Variants in RNF168 observed in about 807,000 individuals in gnomAD.
The protein encoded by RNF168 is ring finger protein 168.
Under a neutral mutation model 34.9 loss-of-function variants are expected in RNF168, and 34 were observed. The ratio of observed to expected loss-of-function variants is 0.97; its 90% CI spans 0.74 to 1.30. The LOEUF (loss-of-function observed/expected upper bound fraction) is 1.30. RNF168 is among the 50% of genes most tolerant of loss of function. The pLI is 0.00. For synonymous variants in RNF168, 264 were observed against 254.7 expected (o/e 1.04, Z -0.35); for missense variants, 725 against 682.5 (o/e 1.06, Z -0.69).
chr3:196,499,237 G>T (rs1732823344), intron 1 of RNF168, among the ~76,000 whole-genome samples: 1 of 152,162 alleles, frequency 6.6e-6, no homozygotes, highest in African/African-American at 2.4e-5. Context: ...GAAACTCTAC[G>T]TGCCAATGGA....
chr3:196,493,975 C>T (rs1384972945), intron 1 of RNF168, among the ~76,000 whole-genome samples: 1 of 151,560 alleles, frequency 6.6e-6, no homozygotes, highest in Non-Finnish European at 1.5e-5. Context: ...GCCTGAGCCT[C>T]CCATGTAGCT....
intron 3 of RNF168, among the ~76,000 whole-genome samples, chr3:196,484,514 C>T (rs1235207043): frequency 1.4e-5 from 2 of 140,994 alleles, no homozygotes; most frequent in African/African-American, 5.2e-5. Flanking sequence ...CAGGGTCTCA[C>T]TCTGTCGCCG....
Position 196,472,199 on chromosome 3 carries a change from C to T in RNF168, c.1336G>A (p.Asp446Asn), listed in dbSNP as rs763445849. ...TGAAGTTGTAATGCCAATAACCTGT[C>T]CTGTTCTTCTTGTTTATGTCTCTCA... ...LFERHKQEEQ[D>N]RLLALQLQKE... Residue 446 changes from aspartate to asparagine, a missense_variant, in exon 6 of 6, where the codon GAC becomes AAC. Physicochemically the swap from Asp to Asn is conservative, Grantham distance 23 (BLOSUM62 1). Coordinates refer to ENST00000318037, the MANE Select transcript of RNF168 (RefSeq NM_152617.4). 1 of 1,614,020 alleles carries T rather than the reference C, an allele frequency of 6.2e-7. No individual in the cohort carries two copies. The highest frequency in any genetic ancestry group is 2.2e-5 in the East Asian group (1 of 44,888).
At chr3:196,479,793 T>C (rs879015169) in intron 4 of RNF168, among the ~76,000 whole-genome samples, 1 of 152,104 alleles carries the variant, frequency 6.6e-6, no homozygotes, top group South Asian at 2.1e-4. Context: ...GGTTTCACCA[T>C]GTTGGCCAGG....
intron 5 of RNF168, 112 bp downstream of exon 5, chr3:196,475,119 G>T: frequency 1.4e-6 from 1 of 714,508 alleles, no homozygotes. Context: ...ACTCAGACAG[G>T]GTGTTTGATT....
chr3:196,474,103 C>A (rs975408061), intron 5 of RNF168, among the ~76,000 whole-genome samples: 4 of 151,200 alleles, frequency 2.6e-5, no homozygotes, highest in Non-Finnish European at 4.4e-5. Context: ...GCCTTACTAG[C>A]ATACTTTTTC....
In RNF168 at chr3:196,503,354, C is replaced by T; in HGVS notation, c.-181G>A. 1 of 641,778 alleles carries T rather than the reference C, an allele frequency of 1.6e-6. No individual in the cohort carries two copies. Among genetic ancestry groups the T allele is most frequent in the Middle Eastern group, 4.2e-4 (1 of 2,358 alleles). 39.8% of individuals were successfully genotyped at this position (641,778 alleles called of 1,614,324 possible). ...TGAAGCAAAAAGGCGCTCTCAGGGT[C>T]AGGCAAACAGGAATACCCCGGAGGG... On this transcript the variant is annotated 5_prime_UTR_variant, in exon 1 of 6. Coordinates refer to ENST00000318037, the MANE Select transcript of RNF168 (RefSeq NM_152617.4).
chr3:196,469,653 C>A lies in RNF168; in HGVS notation c.*2166G>T, dbSNP rs1239829300. The A allele has an allele frequency of 6.6e-6, 1 of 152,164 alleles. No individual in the cohort carries two copies. The highest frequency in any genetic ancestry group is 1.5e-5 in the Non-Finnish European group (1 of 68,034). 9.4% of individuals were successfully genotyped at this position (152,164 alleles called of 1,614,324 possible). Reference sequence around the variant, plus strand: ...GATCAATAGTCTCTGAGCTAAATTTCACAAAATGAAATCAGTGTCTTCTGA... The same window carrying A: ...GATCAATAGTCTCTGAGCTAAATTTAACAAAATGAAATCAGTGTCTTCTGA... On this transcript the variant is annotated 3_prime_UTR_variant, in exon 6 of 6. Transcript: ENST00000318037.
intron 1 of RNF168, among the ~76,000 whole-genome samples, chr3:196,499,034 AC>A (rs1356465474): frequency 2.0e-5 from 3 of 151,870 alleles, no homozygotes; most frequent in Non-Finnish European, 4.4e-5. Context: ...ATGCTGAATA[AC>A]CCCCCAAAAG....
chr3:196,495,176 C>CGT (rs34914417), intron 1 of RNF168, among the ~76,000 whole-genome samples: 53,810 of 149,952 alleles, frequency 0.36, 10,056 homozygotes, highest in East Asian at 0.68. Context: ...CATTGCCTTT[C>CGT]GTGTGTGTGT....
chr3:196,495,139 T>A (rs1732707393), intron 1 of RNF168, among the ~76,000 whole-genome samples: 1 of 152,244 alleles, frequency 6.6e-6, no homozygotes. Flanking sequence ...AACCTGCATT[T>A]AGATTCATGA....
In RNF168 at chr3:196,503,499, G is replaced by C. The variant is rs1331111977; in HGVS notation, c.-326C>G. 1 of 392,830 alleles carries C rather than the reference G, an allele frequency of 2.5e-6. No individual in the cohort carries two copies. Among genetic ancestry groups the C allele is most frequent in the African/African-American group, 2.1e-5 (1 of 48,370 alleles). The allele number at this position is 392,830 out of a possible 1,614,324, so 24.3% of individuals were successfully genotyped here. A position where few individuals can be genotyped will look rare whatever the true frequency, so the allele number is the denominator to read the frequency against. ...GCGGCTGCGGCTCCCGGGGCAGCGA[G>C]GGGAACGCGCCAAGTCCTCTCCTCC... On this transcript the variant is annotated 5_prime_UTR_variant, in exon 1 of 6. Transcript: ENST00000318037.
chr3:196,481,537 C>G (rs1732289534), intron 4 of RNF168, among the ~76,000 whole-genome samples: 1 of 151,854 alleles, frequency 6.6e-6, no homozygotes, highest in African/African-American at 2.4e-5. Context: ...AAGAAAGTTT[C>G]TTTCTGTTAC....
rs573817320 is a variant in RNF168, at chr3:196,490,096, T to C, written c.302-1413A>G. ...TTCCACATACACAGAGCTTTTCTCCTGGGCCTCATTCTCAAACCTAAAAGC... is the reference window on the plus strand; with the variant it reads ...TTCCACATACACAGAGCTTTTCTCCCGGGCCTCATTCTCAAACCTAAAAGC... On this transcript the variant is annotated intron_variant, in intron 1 of 5. Transcript: ENST00000318037. Among the ~76,000 whole-genome samples the C allele has an allele frequency of 1.5e-4, 23 of 152,314 alleles. No homozygotes were observed. The Middle Eastern group carries it at 0.01, about 68-fold the overall frequency.
chr3:196,481,253 G>A (rs1732279494), intron 4 of RNF168, among the ~76,000 whole-genome samples: 1 of 152,028 alleles, frequency 6.6e-6, no homozygotes, highest in African/African-American at 2.4e-5. Flanking sequence ...GAGAGTAGCA[G>A]GCCACCCTTG....
At chr3:196,479,035 G>C (rs1338574062) in intron 4 of RNF168, among the ~76,000 whole-genome samples, 1 of 146,464 alleles carries the variant, frequency 6.8e-6, no homozygotes, top group Non-Finnish European at 1.5e-5. Flanking sequence ...TTTTGAGACG[G>C]CGTCTCACTC....
chr3:196,477,712 ATCACTGAAGATT>A (rs1372203447), intron 4 of RNF168, among the ~76,000 whole-genome samples: 1 of 152,222 alleles, frequency 6.6e-6, no homozygotes, highest in East Asian at 1.9e-4. Context: ...ATCCAACACA[ATCACTGAAGATT>A]CATTAACTCT....
At chr3:196,497,904 A>G (rs1195306649) in intron 1 of RNF168, among the ~76,000 whole-genome samples, 1 of 152,192 alleles carries the variant, frequency 6.6e-6, no homozygotes, top group East Asian at 1.9e-4. Context: ...AATTTAGGGG[A>G]AAAAGAATTA....
At chr3:196,475,545 A>AT (rs781244224) in intron 4 of RNF168, among the ~76,000 whole-genome samples, 16 of 108,650 alleles carry the variant, frequency 1.5e-4, no homozygotes, top group African/African-American at 3.2e-4. Context: ...AAATCTAAAT[A>AT]TTTTTTCTTT....
Sources: gnomAD v4.1 joint callset for allele counts (sites outside exome capture counted in the v4.1 genomes callset) on GRCh38, gnomAD v4.1.1 for gene constraint, MANE v1.5 for transcripts, NCBI Gene and HGNC (gene_info 2026-07-23, HGNC 2026-07-21) for gene names.